The following CLEC6A variants were observed in gnomAD, a reference collection of about 807,000 sequenced individuals.
The protein encoded by CLEC6A is C-type lectin domain containing 6A.
In CLEC6A, 22 loss-of-function variants were observed where a neutral mutation model predicts 25.7. The observed-to-expected ratio is 0.85, with a 90% CI of 0.61 to 1.22. CLEC6A has a LOEUF of 1.22. Ranked by LOEUF, CLEC6A falls within the 50% of genes most tolerant of loss-of-function variation. The probability of loss-of-function intolerance (pLI) is 0.00; values close to 1 mark genes in which losing one functional copy is unlikely to be tolerated. For synonymous variants in CLEC6A, 92 were observed against 76.7 expected, an observed-to-expected ratio of 1.20 and a Z score of -1.04; for missense variants, 240 against 236.8, an observed-to-expected ratio of 1.01 and a Z score of -0.09.
At chr12:8,471,843 A>T (rs1181045431) in intron 4 of CLEC6A, among the ~76,000 whole-genome samples, 5 of 152,062 alleles carry the variant, frequency 3.3e-5, no homozygotes, top group Non-Finnish European at 5.9e-5. Context: ...TTTTGAATGT[A>T]TCATAACAGT....
At chr12:8,471,006 G>A (rs1939899299) in intron 4 of CLEC6A, among the ~76,000 whole-genome samples, 1 of 152,042 alleles carries the variant, frequency 6.6e-6, no homozygotes, top group African/African-American at 2.4e-5. Context: ...TATTAGTAAA[G>A]GATGTTGTAT....
intron 1 of CLEC6A, among the ~76,000 whole-genome samples, chr12:8,456,947 T>TA (rs1337053931): frequency 2.6e-5 from 4 of 152,058 alleles, no homozygotes; most frequent in African/African-American, 9.7e-5. Flanking sequence ...CCGTCTCTAA[T>TA]AAAAAGACAA....
chr12:8,477,391 G>C lies in CLEC6A; in HGVS notation c.557G>C (p.Gly186Ala), dbSNP rs1328477574. Residue 186 changes from glycine to alanine, a missense_variant, in exon 6 of 6, where the codon GGA (glycine) becomes GCA (alanine). Coordinates refer to ENST00000382073, the MANE Select transcript of CLEC6A (RefSeq NM_001007033.2). Reference sequence around the variant, plus strand: ...TCAATAGTCTTCTGGAAACCTACAGGATGGGGCTGGAATGATGTTATCTGT... The same window carrying C: ...TCAATAGTCTTCTGGAAACCTACAGCATGGGGCTGGAATGATGTTATCTGT... The part of the protein sequence containing the change: ...CASIVFWKPT[G>A]WGWNDVICET... The C allele has an allele frequency of 6.2e-7, 1 of 1,612,194 alleles. No homozygotes were observed. The highest frequency in any genetic ancestry group is 1.7e-5 in the Admixed American group (1 of 59,860).
At chr12:8,463,553 T>A (rs4883154) in intron 3 of CLEC6A, among the ~76,000 whole-genome samples, 1 of 152,158 alleles carries the variant, frequency 6.6e-6, no homozygotes, top group South Asian at 2.1e-4. Context: ...TATCTGCTTA[T>A]GACGATATAG....
At position 8,477,536 on chromosome 12, in the gene CLEC6A, C is replaced by G; in HGVS notation, c.*72C>G. The G allele has an allele frequency of 1.7e-6, 2 of 1,184,708 alleles. No homozygotes were observed. Among genetic ancestry groups the G allele is most frequent in the Non-Finnish European group, 1.2e-6 (1 of 843,300 alleles). 73.4% of individuals were successfully genotyped at this position (1,184,708 alleles called of 1,614,324 possible). A position where few individuals can be genotyped will look rare whatever the true frequency, so the allele number is the denominator to read the frequency against. On this transcript the variant is annotated 3_prime_UTR_variant, in exon 6 of 6. Coordinates refer to ENST00000382073, the MANE Select transcript of CLEC6A (RefSeq NM_001007033.2). ...TTCCCTGACGTCTTTAAAATTGAACCCTATCATGAAATGATAATTTCTTCC... is the reference window on the plus strand; with the variant it reads ...TTCCCTGACGTCTTTAAAATTGAACGCTATCATGAAATGATAATTTCTTCC...
In CLEC6A at chr12:8,477,595, T is replaced by A; in HGVS notation, c.*131T>A. The A allele has an allele frequency of 1.6e-6, 1 of 621,166 alleles. No homozygotes were observed. The highest frequency in any genetic ancestry group is 2.5e-6 in the Non-Finnish European group (1 of 393,110). The allele number at this position is 621,166 out of a possible 1,614,324, so 38.5% of individuals were successfully genotyped here. On this transcript the variant is annotated 3_prime_UTR_variant, in exon 6 of 6. Coordinates refer to ENST00000382073, the MANE Select transcript of CLEC6A (RefSeq NM_001007033.2). ...CACATAATCCTTATGTTATAGAGGT[T>A]CACAGAAATGGAAAGATACCTGTTT... is the stretch of plus-strand genomic sequence containing the variant.
At chr12:8,476,733 T>C (rs1042494710) in intron 5 of CLEC6A, among the ~76,000 whole-genome samples, 2 of 152,128 alleles carry the variant, frequency 1.3e-5, no homozygotes, top group African/African-American at 4.8e-5. Context: ...GGGACCTTAT[T>C]ATAATTCCCA....
rs1939817656 is a variant in CLEC6A, at chr12:8,465,484, C to G, written c.224C>G (p.Ala75Gly). ...TTTTTTTCATGTAACACAAAAATAG[C>G]CTGGGGATGTTGCCCAGCTTCTTGG... ...TCFSEGTKVP[A>G]WGCCPASWKS... The change falls in exon 4 of 6, where the codon GCC becomes GGC. Residue 75 changes from alanine to glycine, a missense_variant and splice_region_variant. By Grantham distance (60) the Ala-to-Gly change is moderately conservative (BLOSUM62 0). Transcript: ENST00000382073. The G allele has an allele frequency of 6.8e-6, 11 of 1,613,450 alleles. No homozygotes were observed. Among genetic ancestry groups the G allele is most frequent in the Non-Finnish European group, 9.3e-6 (11 of 1,179,726 alleles).
intron 3 of CLEC6A, among the ~76,000 whole-genome samples, chr12:8,463,803 G>T (rs1939794658): frequency 6.6e-6 from 1 of 152,194 alleles, no homozygotes; most frequent in Non-Finnish European, 1.5e-5. Context: ...AACGTGATCA[G>T]CTCATTATTC....
chr12:8,465,871 G>T (rs746463473), intron 4 of CLEC6A, among the ~76,000 whole-genome samples: 12 of 152,056 alleles, frequency 7.9e-5, no homozygotes, highest in African/African-American at 2.4e-4. Flanking sequence ...GTTTCTATGA[G>T]TTTGACTATT....
At chr12:8,464,358 C>CT (rs1939802181) in intron 3 of CLEC6A, among the ~76,000 whole-genome samples, 1 of 147,710 alleles carries the variant, frequency 6.8e-6, no homozygotes, top group African/African-American at 2.5e-5. Context: ...GAGACGGAGT[C>CT]TCTCTCTGTC....
At position 8,465,606 on chromosome 12, in the gene CLEC6A, G is replaced by C; in HGVS notation, c.346G>C (p.Val116Leu). 1 of 1,613,720 alleles carries C rather than the reference G, an allele frequency of 6.2e-7. No individual in the cohort carries two copies. Among genetic ancestry groups the C allele is most frequent in the Non-Finnish European group, 8.5e-7 (1 of 1,179,820 alleles). ...NCVEMGAHLV[V>L]FNTEAEQNFI... is the part of the protein sequence containing the mutation. ...TGTTGAGATGGGAGCACATTTGGTT[G>C]TGTTCAACACAGAAGCAGAGCAGGT... Residue 116 changes from valine (V) to leucine (L), a missense_variant, in exon 4 of 6, where the codon GTG becomes CTG. Val to Leu is a conservative substitution (Grantham distance 32, BLOSUM62 1). Coordinates refer to ENST00000382073, the MANE Select transcript of CLEC6A (RefSeq NM_001007033.2).
intron 4 of CLEC6A, among the ~76,000 whole-genome samples, chr12:8,470,761 T>G (rs1332128235): frequency 6.6e-6 from 1 of 152,004 alleles, no homozygotes; most frequent in Non-Finnish European, 1.5e-5. Context: ...GTGTGAGAAA[T>G]GGGTGAGGGA....
At position 8,456,137 on chromosome 12, in the gene CLEC6A, G is replaced by A; in HGVS notation, c.26G>A (p.Ser9Asn). The A allele has an allele frequency of 6.2e-7, 1 of 1,613,752 alleles. No individual in the cohort carries two copies. The highest frequency in any genetic ancestry group is 8.5e-7 in the Non-Finnish European group (1 of 1,179,800). The stretch of plus-strand genomic sequence containing the variant: ...ATGATGCAAGAGCAGCAACCTCAAA[G>A]TACAGGTGAGTATTTCCTCAGTTTC... The part of the protein sequence containing the change: MMQEQQPQ[S>N]TEKRGWLSLR... The change falls in exon 1 of 6, where the codon AGT becomes AAT. Residue 9 changes from serine (S) to asparagine (N), a missense_variant. Coordinates refer to ENST00000382073, the MANE Select transcript of CLEC6A (RefSeq NM_001007033.2).
At chr12:8,464,474 G>T (rs1249288944) in intron 3 of CLEC6A, among the ~76,000 whole-genome samples, 1 of 151,894 alleles carries the variant, frequency 6.6e-6, no homozygotes, top group Non-Finnish European at 1.5e-5. Context: ...GACTAAAGGC[G>T]TCCGCCACCA....
chr12:8,465,341 C>A (rs1331589751), intron 3 of CLEC6A, 143 bp from the exon 4 acceptor site: 6 of 680,354 alleles, frequency 8.8e-6, no homozygotes, highest in South Asian at 4.8e-5. Context: ...TATGTGAAAT[C>A]AATTCTAGGA....
chr12:8,467,307 G>A (rs1939846186), intron 4 of CLEC6A, among the ~76,000 whole-genome samples: 1 of 151,962 alleles, frequency 6.6e-6, no homozygotes, highest in Non-Finnish European at 1.5e-5. Flanking sequence ...TTTTCTTCCT[G>A]GAGTTTTACA....
chr12:8,477,625 T>G lies in CLEC6A; in HGVS notation c.*161T>G. 2.0e-6 allele frequency: 1 copy of G among 499,254 alleles called. No individual in the cohort carries two copies. The allele number at this position is 499,254 out of a possible 1,614,324, so 30.9% of individuals were successfully genotyped here. The stretch of plus-strand genomic sequence containing the variant: ...GAAATGGAAAGATACCTGTTTCCCT[T>G]TAATCAATCTTCTCGTTTCCTCTTT... On this transcript the variant is annotated 3_prime_UTR_variant, in exon 6 of 6. Coordinates refer to ENST00000382073, the MANE Select transcript of CLEC6A (RefSeq NM_001007033.2).
rs1939971719 is a variant in CLEC6A, at chr12:8,476,184, A to T, written c.429A>T (p.Pro143=). ...SFSYFLGLSD[P]QGNNNWQWID... ...CTTATTTTCTGGGGCTTTCAGACCCACAAGGTAATAATAATTGGCAATGGA... is the reference window on the plus strand; with the variant it reads ...CTTATTTTCTGGGGCTTTCAGACCCTCAAGGTAATAATAATTGGCAATGGA... Residue 143 remains proline, a synonymous_variant, in exon 5 of 6, where the codon CCA becomes CCT. Coordinates refer to ENST00000382073, the MANE Select transcript of CLEC6A (RefSeq NM_001007033.2). The T allele has an allele frequency of 6.2e-7, 1 of 1,610,420 alleles. No individual in the cohort carries two copies. The highest frequency in any genetic ancestry group is 8.5e-7 in the Non-Finnish European group (1 of 1,179,284).
Sources: gnomAD v4.1 joint callset for allele counts (sites outside exome capture counted in the v4.1 genomes callset) on GRCh38, gnomAD v4.1.1 for gene constraint, MANE v1.5 for transcripts, NCBI Gene and HGNC (gene_info 2026-07-23, HGNC 2026-07-21) for gene names.